CDH12: variants seen among roughly 807,000 people sequenced by gnomAD.
The protein encoded by CDH12 is cadherin 12.
A neutral mutation model predicts 74.1 loss-of-function variants in CDH12; 41 were observed. The ratio of observed to expected loss-of-function variants is 0.55; its 90% CI spans 0.43 to 0.72. The LOEUF (loss-of-function observed/expected upper bound fraction) is 0.72. Ranked by LOEUF, CDH12 falls within the 30% of genes least tolerant of loss-of-function variation. The pLI, the probability that CDH12 is intolerant of heterozygous loss-of-function variation, is 0.00. For synonymous variants in CDH12, 399 were observed against 355.0 expected (o/e 1.12, Z -1.39); for missense variants, 945 against 977.2 (o/e 0.97, Z 0.44).
chr5:22,367,360 GT>G (rs1206766660), intron 3 of CDH12, among the ~76,000 whole-genome samples: 1 of 152,234 alleles, frequency 6.6e-6, no homozygotes, highest in African/African-American at 2.4e-5. Context: ...CTGGGTCTTA[GT>G]GATGTCTGCA....
chr5:22,283,217 GATATATATAT>G (rs1309819565), intron 3 of CDH12, among the ~76,000 whole-genome samples: 1 of 78,106 alleles, frequency 1.3e-5, no homozygotes, highest in African/African-American at 7.4e-5. Flanking sequence ...TATATATATA[GATATATATAT>G]ATATATATAT....
chr5:22,749,045 A>G (rs1745429197), intron 1 of CDH12, among the ~76,000 whole-genome samples: 1 of 152,236 alleles, frequency 6.6e-6, no homozygotes, highest in African/African-American at 2.4e-5. Flanking sequence ...GGTTTTAAAC[A>G]CAATGCTCTC....
At chr5:22,733,768 T>G (rs1744552281) in intron 1 of CDH12, among the ~76,000 whole-genome samples, 1 of 151,952 alleles carries the variant, frequency 6.6e-6, no homozygotes, top group South Asian at 2.1e-4. Flanking sequence ...CTGGACAGGG[T>G]TGACTTTACT....
At chr5:22,293,711 GGC>G (rs1262083734) in intron 3 of CDH12, among the ~76,000 whole-genome samples, 1 of 152,070 alleles carries the variant, frequency 6.6e-6, no homozygotes, top group Non-Finnish European at 1.5e-5. Flanking sequence ...TGAACCTGGA[GGC>G]CATTATTTTA....
intron 4 of CDH12, among the ~76,000 whole-genome samples, chr5:22,131,940 T>C (rs752248806): frequency 6.6e-6 from 1 of 152,100 alleles, no homozygotes; most frequent in Non-Finnish European, 1.5e-5. Flanking sequence ...TGGGCATGAT[T>C]AGGAGGCAAA....
Position 22,295,916 on chromosome 5 carries a change from T to C in CDH12, c.-332-83273A>G, listed in dbSNP as rs1319571508. Among the ~76,000 whole-genome samples the C allele has an allele frequency of 3.9e-5, 6 of 152,142 alleles. No homozygotes were observed. In the East Asian group the frequency reaches 1.2e-3, roughly 29 times the overall value. ...AAACATTAGAAAGGACAAGTAACAG[T>C]TGCATATTTATAATAAAAATCGCAT... On this transcript the variant is annotated intron_variant, in intron 3 of 14. Coordinates refer to ENST00000382254, the MANE Select transcript of CDH12 (RefSeq NM_004061.5).
intron 3 of CDH12, among the ~76,000 whole-genome samples, chr5:22,338,635 A>G (rs917543575): frequency 8.5e-5 from 13 of 152,182 alleles, no homozygotes; most frequent in African/African-American, 1.7e-4. Context: ...CCATTATGGG[A>G]TTATTACGCA....
intron 6 of CDH12, among the ~76,000 whole-genome samples, chr5:21,949,723 CA>C (rs1755749065): frequency 6.6e-6 from 1 of 151,780 alleles, no homozygotes; most frequent in Non-Finnish European, 1.5e-5. Flanking sequence ...TGTAAAATTA[CA>C]AAAAAACTTA....
chr5:21,864,201 G>T (rs998220499), intron 6 of CDH12, among the ~76,000 whole-genome samples: 3 of 151,670 alleles, frequency 2.0e-5, no homozygotes, highest in Non-Finnish European at 2.9e-5. Context: ...TTGAAACAAG[G>T]GTGTGCTAGC....
chr5:22,010,996 C>T (rs904186558), intron 5 of CDH12, among the ~76,000 whole-genome samples: 4 of 152,052 alleles, frequency 2.6e-5, no homozygotes, highest in Non-Finnish European at 5.9e-5. Flanking sequence ...TTCATGCTTG[C>T]GTCATTACTA....
chr5:22,123,367 C>T (rs1466780526), intron 4 of CDH12, among the ~76,000 whole-genome samples: 1 of 152,138 alleles, frequency 6.6e-6, no homozygotes, highest in Non-Finnish European at 1.5e-5. Context: ...ACCACCTAGT[C>T]TATGGTAGTT....
chr5:21,932,049 T>C (rs1228479494), intron 6 of CDH12, among the ~76,000 whole-genome samples: 2 of 152,222 alleles, frequency 1.3e-5, no homozygotes, highest in Non-Finnish European at 2.9e-5. Context: ...ATGTCTGTTA[T>C]CTGTCACCAA....
chr5:22,399,537 G>A (rs1742622502), intron 3 of CDH12, among the ~76,000 whole-genome samples: 1 of 152,104 alleles, frequency 6.6e-6, no homozygotes, highest in South Asian at 2.1e-4. Flanking sequence ...CATGTGGACA[G>A]AGCACATAAT....
chr5:22,776,435 G>T (rs1747109594), intron 1 of CDH12, among the ~76,000 whole-genome samples: 1 of 152,148 alleles, frequency 6.6e-6, no homozygotes, highest in Non-Finnish European at 1.5e-5. Flanking sequence ...GTGTGTATGT[G>T]TGTGCATGTG....
chr5:22,695,795 C>T (rs1391461079), intron 1 of CDH12, among the ~76,000 whole-genome samples: 1 of 151,940 alleles, frequency 6.6e-6, no homozygotes, highest in Non-Finnish European at 1.5e-5. Flanking sequence ...TTCAAGTTTT[C>T]TTTGTTGATC....
chr5:22,262,179 A>G lies in CDH12; in HGVS notation c.-332-49536T>C, dbSNP rs540011858. Reference sequence around the variant, plus strand: ...CATGTGCACATTGTGCAGGTTAGTTACATATGTATACATGTGCTGTACTGG... The same window carrying G: ...CATGTGCACATTGTGCAGGTTAGTTGCATATGTATACATGTGCTGTACTGG... On this transcript the variant is annotated intron_variant, in intron 3 of 14. Coordinates refer to ENST00000382254, the MANE Select transcript of CDH12 (RefSeq NM_004061.5). Among the ~76,000 whole-genome samples, 85 of 151,952 alleles carry G rather than the reference A, an allele frequency of 5.6e-4. 1 individual carries two copies. The highest frequency in any genetic ancestry group is 5.1e-3 in the Admixed American group (78 of 15,254).
Position 22,497,660 on chromosome 5 carries a change from T to TTTTC in CDH12, c.-428+7609_-428+7610insGAAA, listed in dbSNP as rs1169553695. Among the ~76,000 whole-genome samples the TTTTC allele has an allele frequency of 2.5e-4, 36 of 145,014 alleles. 1 individual carries two copies. The highest frequency in any genetic ancestry group is 1.1e-3 in the Admixed American group (15 of 13,550). On this transcript the variant is annotated intron_variant, in intron 2 of 14. Coordinates refer to ENST00000382254, the MANE Select transcript of CDH12 (RefSeq NM_004061.5). Reference sequence around the variant, plus strand: ...TCTCTTTTTTTTTTTTTTTTTTTTTTGAGATGTAATCTGGCTCTGTCACCT... The same window carrying TTTTC: ...TCTCTTTTTTTTTTTTTTTTTTTTTTTTTCGAGATGTAATCTGGCTCTGTCACCT...
At chr5:22,204,257 T>C (rs1751093144) in intron 4 of CDH12, among the ~76,000 whole-genome samples, 1 of 151,616 alleles carries the variant, frequency 6.6e-6, no homozygotes, top group East Asian at 1.9e-4. Context: ...CGCCTCGGGG[T>C]TCACGCCATT....
chr5:22,090,218 A>G (rs1354899142), intron 4 of CDH12, among the ~76,000 whole-genome samples: 2 of 152,016 alleles, frequency 1.3e-5, no homozygotes, highest in African/African-American at 4.8e-5. Context: ...CAACCTTCTA[A>G]CAATTAAAAA....
Sources: allele counts gnomAD v4.1 joint callset (sites outside exome capture counted in the v4.1 genomes callset), GRCh38; gene constraint gnomAD v4.1.1; transcripts MANE v1.5; gene names NCBI Gene and HGNC (gene_info 2026-07-23, HGNC 2026-07-21).